The following AUTS2 variants were observed in gnomAD, a reference collection of about 807,000 sequenced individuals.
The protein encoded by AUTS2 is autism susceptibility gene 2 protein.
Under a neutral mutation model 112.4 loss-of-function variants are expected in AUTS2, and 17 were observed. The observed-to-expected ratio is 0.15, with a 90% CI of 0.10 to 0.23. The LOEUF (loss-of-function observed/expected upper bound fraction) is 0.23. Among genes scored for constraint, AUTS2 ranks in the 10% least tolerant of loss-of-function variants. The pLI is 1.00. For synonymous variants in AUTS2, 751 were observed against 702.7 expected (o/e 1.07, Z -1.09); for missense variants, 1,510 against 1,701.6 (o/e 0.89, Z 1.98).
intron 18 of AUTS2, among the ~76,000 whole-genome samples, chr7:70,788,772 C>T (rs1791682616): frequency 6.6e-6 from 1 of 152,244 alleles, no homozygotes; most frequent in Non-Finnish European, 1.5e-5. Context: ...ACTCTGTGGT[C>T]CTCTGATCCT....
intron 1 of AUTS2, among the ~76,000 whole-genome samples, chr7:69,891,770 A>G (rs1794530119): frequency 2.9e-5 from 2 of 68,604 alleles, no homozygotes; most frequent in Admixed American, 3.8e-4. Context: ...TTCCAGACAG[A>G]TATCTTTTTT....
intron 5 of AUTS2, among the ~76,000 whole-genome samples, chr7:70,487,226 C>G (rs1408199535): frequency 2.6e-5 from 4 of 151,508 alleles, no homozygotes; most frequent in Non-Finnish European, 5.9e-5. Context: ...CCTTTCCTCC[C>G]CCGCGCCCCC....
chr7:69,684,280 G>A (rs1335001725), intron 1 of AUTS2, among the ~76,000 whole-genome samples: 3 of 152,098 alleles, frequency 2.0e-5, no homozygotes, highest in Non-Finnish European at 4.4e-5. Context: ...TGCCTGAGGG[G>A]CACTTGCACC....
At chr7:70,459,656 A>G (rs1188403369) in intron 5 of AUTS2, among the ~76,000 whole-genome samples, 1 of 152,236 alleles carries the variant, frequency 6.6e-6, no homozygotes, top group African/African-American at 2.4e-5. Context: ...CAAAATACAC[A>G]TCCCACTCAC....
At chr7:69,650,008 C>T (rs1361268834) in intron 1 of AUTS2, among the ~76,000 whole-genome samples, 2 of 152,222 alleles carry the variant, frequency 1.3e-5, no homozygotes, top group African/African-American at 2.4e-5. Flanking sequence ...TTTAGCCATC[C>T]AAACTGGGCC....
chr7:70,039,201 T>C (rs1166303003), intron 2 of AUTS2, among the ~76,000 whole-genome samples: 1 of 152,176 alleles, frequency 6.6e-6, no homozygotes, highest in Non-Finnish European at 1.5e-5. Context: ...ATTGTCAGCA[T>C]TGTTTAGATC....
intron 2 of AUTS2, among the ~76,000 whole-genome samples, chr7:70,097,271 T>C (rs767910397): frequency 7.2e-5 from 11 of 152,348 alleles, no homozygotes; most frequent in Non-Finnish European, 1.6e-4. Flanking sequence ...ATGTTGTATT[T>C]GCATGAACGG....
intron 1 of AUTS2, among the ~76,000 whole-genome samples, chr7:69,734,856 TTG>T (rs1490947611): frequency 6.6e-6 from 1 of 152,186 alleles, no homozygotes; most frequent in African/African-American, 2.4e-5. Flanking sequence ...AGTTGAGAGT[TTG>T]TGTCTGACAT....
At chr7:70,538,478 C>T (rs1241029475) in intron 5 of AUTS2, among the ~76,000 whole-genome samples, 2 of 152,146 alleles carry the variant, frequency 1.3e-5, no homozygotes, top group African/African-American at 2.4e-5. Flanking sequence ...TGCAGTGATC[C>T]GAGATGGCAC....
chr7:70,592,322 G>A (rs187387659), intron 5 of AUTS2, among the ~76,000 whole-genome samples: 2 of 152,098 alleles, frequency 1.3e-5, no homozygotes, highest in East Asian at 3.9e-4. Flanking sequence ...CTTGCTAGTT[G>A]TGTAATACTG....
chr7:70,225,557 T>C (rs1811718934), intron 4 of AUTS2, among the ~76,000 whole-genome samples: 1 of 152,160 alleles, frequency 6.6e-6, no homozygotes, highest in African/African-American at 2.4e-5. Context: ...GGCTGCCACT[T>C]GAGCTTTGGC....
At chr7:70,588,929 T>G (rs1454831333) in intron 5 of AUTS2, among the ~76,000 whole-genome samples, 1 of 152,196 alleles carries the variant, frequency 6.6e-6, no homozygotes, top group Non-Finnish European at 1.5e-5. Flanking sequence ...GAGTTTTTCT[T>G]TAGAAACCCT....
intron 5 of AUTS2, chr7:70,436,501 C>A (rs1795899638): frequency 6.6e-6 from 1 of 152,228 alleles, no homozygotes; most frequent in African/African-American, 2.4e-5. Flanking sequence ...TCTGTTTGGT[C>A]TTTCTTTCTA....
chr7:70,161,052 A>C (rs1471782990), intron 4 of AUTS2, among the ~76,000 whole-genome samples: 3 of 152,152 alleles, frequency 2.0e-5, no homozygotes, highest in Admixed American at 6.5e-5. Context: ...TTTCCGTGGG[A>C]ATTAGGCAGT....
intron 12 of AUTS2, chr7:70,774,460 A>C (rs1006244593): frequency 4.6e-6 from 1 of 216,624 alleles, no homozygotes; most frequent in African/African-American, 2.3e-5. Context: ...TTTTGAATGG[A>C]AAAGCACTAA....
intron 1 of AUTS2, among the ~76,000 whole-genome samples, chr7:69,665,604 T>C (rs1429766338): frequency 6.6e-6 from 1 of 152,222 alleles, no homozygotes; most frequent in Non-Finnish European, 1.5e-5. Context: ...TTTGTCCAGC[T>C]GTTTCTTCCC....
At chr7:70,041,303 C>A (rs1187405581) in intron 2 of AUTS2, among the ~76,000 whole-genome samples, 2 of 152,036 alleles carry the variant, frequency 1.3e-5, no homozygotes, top group Non-Finnish European at 2.9e-5. Flanking sequence ...TATTTTTGTT[C>A]TTCTTTACCA....
chr7:69,675,713 G>C (rs1169027660), intron 1 of AUTS2, among the ~76,000 whole-genome samples: 1 of 151,786 alleles, frequency 6.6e-6, no homozygotes, highest in Non-Finnish European at 1.5e-5. Flanking sequence ...CTCTATGCTG[G>C]CCAGGTTGGT....
intron 1 of AUTS2, among the ~76,000 whole-genome samples, chr7:69,825,167 T>G (rs775391761): frequency 2.6e-5 from 4 of 152,194 alleles, no homozygotes; most frequent in African/African-American, 4.8e-5. Context: ...CACATGTCCT[T>G]TAACAATTTT....
Sources: gnomAD v4.1 joint callset for allele counts (sites outside exome capture counted in the v4.1 genomes callset) on GRCh38, gnomAD v4.1.1 for gene constraint, MANE v1.5 for transcripts, NCBI Gene and HGNC (gene_info 2026-07-23, HGNC 2026-07-21) for gene names.